STARD9: variants seen among roughly 807,000 people sequenced by gnomAD.
STARD9 encodes the protein StAR related lipid transfer domain containing 9.
STARD9 carries 346 observed loss-of-function variants against 399.8 expected under a neutral mutation model. The ratio of observed to expected loss-of-function variants is 0.87; its 90% CI spans 0.79 to 0.95. The LOEUF is 0.95. STARD9 is among the 40% of genes least tolerant of loss of function. STARD9 has a pLI of 0.00. For missense variants in STARD9, 5,832 were observed against 5,667.5 expected (o/e 1.03, Z -0.93); for synonymous variants, 2,203 against 2,143.5 (o/e 1.03, Z -0.77).
At chr15:42,679,920 C>G (rs1471276619) in intron 20 of STARD9, among the ~76,000 whole-genome samples, 1 of 152,130 alleles carries the variant, frequency 6.6e-6, no homozygotes, top group South Asian at 2.1e-4. Context: ...GGTTCCCTTA[C>G]AGCGTATGGG....
rs954841487 is a variant in STARD9 at position 42,681,543 on chromosome 15, G to C, written c.1996G>C (p.Ala666Pro). The change falls in exon 21 of 33, where the codon GCA becomes CCA. Residue 666 changes from alanine (A) to proline (P), a missense_variant. Physicochemically the swap from Ala to Pro is conservative, Grantham distance 27. Coordinates refer to ENST00000290607, the MANE Select transcript of STARD9 (RefSeq NM_020759.3). ...YVEDLRHQIL[A>P]EEIRAAKELE... ...AGAGGATTTGAGGCATCAAATCCTA[G>C]CAGAAGAGATTCGAGCTGCGAAGGA... The C allele has an allele frequency of 6.5e-7, 1 of 1,537,184 alleles. No individual in the cohort carries two copies. Among genetic ancestry groups the C allele is most frequent in the Non-Finnish European group, 8.7e-7 (1 of 1,146,870 alleles).
intron 26 of STARD9, among the ~76,000 whole-genome samples, chr15:42,712,080 ATT>A (rs1491384036): frequency 2.5e-5 from 1 of 40,342 alleles, no homozygotes; most frequent in Admixed American, 3.6e-4. Flanking sequence ...ATATATATAT[ATT>A]ATATATATAT....
intron 3 of STARD9, among the ~76,000 whole-genome samples, chr15:42,592,811 A>G (rs2058427588): frequency 6.6e-6 from 1 of 152,144 alleles, no homozygotes; most frequent in African/African-American, 2.4e-5. Context: ...TAATATTTGG[A>G]CTTGCAGCAG....
intron 2 of STARD9, among the ~76,000 whole-genome samples, chr15:42,584,238 C>G (rs1185604259): frequency 1.3e-5 from 2 of 152,134 alleles, no homozygotes; most frequent in Non-Finnish European, 2.9e-5. Context: ...TGCCTGCTCT[C>G]TTGTTACTCC....
chr15:42,646,178 A>G (rs762541702), intron 7 of STARD9, among the ~76,000 whole-genome samples: 3 of 152,034 alleles, frequency 2.0e-5, no homozygotes, highest in Non-Finnish European at 2.9e-5. Context: ...AACAACAACA[A>G]TAATAATAAT....
chr15:42,604,892 C>T (rs950928705), intron 3 of STARD9, among the ~76,000 whole-genome samples: 1 of 152,126 alleles, frequency 6.6e-6, no homozygotes, highest in Admixed American at 6.5e-5. Context: ...ATCCATCCAC[C>T]TCAGCCTCCC....
chr15:42,596,444 C>G (rs1399933469), intron 3 of STARD9, among the ~76,000 whole-genome samples: 1 of 152,120 alleles, frequency 6.6e-6, no homozygotes, highest in African/African-American at 2.4e-5. Flanking sequence ...AGTCTTTGGA[C>G]AAAATGATTT....
In STARD9 at chr15:42,634,893, T is replaced by A. The variant is rs1010817113; in HGVS notation, c.272T>A (p.Val91Asp). ...QDLGMEVLSG[V>D]AKGYNICLFA... ...TTAGGGATGGAAGTACTGTCTGGAG[T>A]TGCCAAAGGCTATAACATATGCCTT... Residue 91 changes from valine to aspartate, a missense_variant, in exon 4 of 33, where the codon GTT (valine) becomes GAT (aspartate). Around this residue, in one of 2 missense-constraint regions of STARD9, gnomAD observed 5,828 missense variants for 5,651.1 expected, o/e 1.03. Coordinates refer to ENST00000290607, the MANE Select transcript of STARD9 (RefSeq NM_020759.3). The A allele has an allele frequency of 3.3e-6, 5 of 1,536,592 alleles. No individual in the cohort carries two copies. In the Admixed American group the frequency reaches 9.8e-5, roughly 30 times the overall value.
At chr15:42,581,984 A>AC (rs2058182334) in intron 1 of STARD9, among the ~76,000 whole-genome samples, 5 of 152,208 alleles carry the variant, frequency 3.3e-5, no homozygotes, top group African/African-American at 1.2e-4. Flanking sequence ...AACAACAACA[A>AC]AAAAATTAGC....
At position 42,685,486 on chromosome 15, in the gene STARD9, G is replaced by A. The variant is rs763355669; in HGVS notation, c.3908G>A (p.Cys1303Tyr). ...CCCCATTGTGAGCTCCAGCCCCATT[G>A]TGAGCAGGCTGAATCACAGGTAGAG... is the stretch of plus-strand genomic sequence containing the variant. ...LQPHCELQPH[C>Y]EQAESQVEPS... Residue 1303 changes from cysteine to tyrosine, a missense_variant, in exon 23 of 33, where the codon TGT becomes TAT. Coordinates refer to ENST00000290607, the MANE Select transcript of STARD9 (RefSeq NM_020759.3). The A allele has an allele frequency of 6.5e-7, 1 of 1,537,254 alleles. No individual in the cohort carries two copies. Among genetic ancestry groups the A allele is most frequent in the Non-Finnish European group, 8.7e-7 (1 of 1,146,952 alleles).
intron 3 of STARD9, among the ~76,000 whole-genome samples, chr15:42,624,673 C>G (rs967266356): frequency 2.0e-5 from 3 of 152,178 alleles, no homozygotes; most frequent in African/African-American, 7.2e-5. Context: ...CCAAGCCTCC[C>G]AAGTAGCTGG....
intron 17 of STARD9, 24 bp from the exon 18 acceptor site, chr15:42,674,803 A>G (rs2060276012): frequency 2.0e-6 from 3 of 1,504,074 alleles, no homozygotes; most frequent in Non-Finnish European, 2.7e-6. Flanking sequence ...CCTCCCACCC[A>G]AGTGACCACC....
Position 42,638,814 on chromosome 15 carries a change from T to G in STARD9, c.559+2T>G. ...CAGAGATGGGGCCCTATGTACAAGG[T>G]GAGCTACTGTGGTCCTGGAGATCTG... On this transcript the variant is annotated splice_donor_variant, in intron 7 of 32. Transcript: ENST00000290607. LOFTEE classifies it high-confidence loss of function. 2.0e-6 allele frequency: 3 copies of G among 1,507,734 alleles called. No homozygotes were observed. The highest frequency in any genetic ancestry group is 2.7e-6 in the Non-Finnish European group (3 of 1,125,050). 93.4% of individuals were successfully genotyped at this position (1,507,734 alleles called of 1,614,324 possible).
intron 17 of STARD9, 40 bp from the exon 18 acceptor site, chr15:42,674,787 C>T: frequency 6.7e-7 from 1 of 1,490,190 alleles, no homozygotes; most frequent in Non-Finnish European, 8.9e-7. Flanking sequence ...TGTTTCCCTG[C>T]ATCGTCCTCC....
intron 9 of STARD9, 55 bp from the exon 10 acceptor site, chr15:42,661,103 G>A (rs1456906572): frequency 1.5e-6 from 2 of 1,320,692 alleles, no homozygotes; most frequent in Non-Finnish European, 2.1e-6. Flanking sequence ...GAGTTCTAAG[G>A]GGAAAACAAT....
chr15:42,616,600 G>A (rs908238731), intron 3 of STARD9, among the ~76,000 whole-genome samples: 12 of 152,070 alleles, frequency 7.9e-5, no homozygotes, highest in African/African-American at 2.9e-4. Context: ...TCATAGGAAA[G>A]TTAGAGAATG....
intron 21 of STARD9, 104 bp from the exon 22 acceptor site, chr15:42,682,000 T>G: frequency 1.3e-6 from 1 of 778,038 alleles, no homozygotes; most frequent in Non-Finnish European, 2.0e-6. Context: ...GGCCAGCTCT[T>G]TCACTCCACA....
intron 26 of STARD9, among the ~76,000 whole-genome samples, chr15:42,708,168 C>A (rs1463794890): frequency 6.6e-6 from 1 of 152,034 alleles, no homozygotes; most frequent in Non-Finnish European, 1.5e-5. Flanking sequence ...AAAAAAATTT[C>A]TTTTGAATCA....
At chr15:42,717,620 G>C in intron 28 of STARD9, 111 bp from the exon 29 acceptor site, 1 of 958,932 alleles carries the variant, frequency 1.0e-6, no homozygotes, top group East Asian at 2.6e-5. Context: ...GCTAGACCCT[G>C]TCTCAAAAAA....
Sources: allele counts gnomAD v4.1 joint callset (sites outside exome capture counted in the v4.1 genomes callset), GRCh38; gene constraint gnomAD v4.1.1; regional missense constraint gnomAD v4.1.1; transcripts MANE v1.5; gene names NCBI Gene and HGNC (gene_info 2026-07-23, HGNC 2026-07-21).